The following BLNK variants were observed in gnomAD, a reference collection of about 807,000 sequenced individuals.
The protein encoded by BLNK is B-cell linker protein.
A neutral mutation model predicts 73.5 loss-of-function variants in BLNK; 29 were observed. The observed-to-expected ratio is 0.39, with a 90% CI of 0.29 to 0.54. The LOEUF is 0.54. Among genes scored for constraint, BLNK ranks in the 20% least tolerant of loss-of-function variants. The probability of loss-of-function intolerance (pLI) is 0.61; values close to 1 mark genes in which losing one functional copy is unlikely to be tolerated. For missense variants in BLNK, 460 were observed against 562.8 expected, an observed-to-expected ratio of 0.82 and a Z score of 1.85; for synonymous variants, 176 against 200.8, an observed-to-expected ratio of 0.88 and a Z score of 1.04.
intron 1 of BLNK, among the ~76,000 whole-genome samples, chr10:96,259,059 G>A (rs1026854207): frequency 2.0e-5 from 3 of 152,158 alleles, no homozygotes; most frequent in African/African-American, 4.8e-5. Flanking sequence ...GTCTGATTCC[G>A]GAGCCTATGC....
At chr10:96,194,768 A>ATTTT (rs71034364) in intron 16 of BLNK, among the ~76,000 whole-genome samples, 1,215 of 110,226 alleles carry the variant, frequency 0.011, 74 homozygotes, top group East Asian at 0.032. Context: ...AGAAATGCAA[A>ATTTT]TTTTTTTTTT....
rs1554907768 is a variant in BLNK at position 96,246,971 on chromosome 10, G to A, written c.113+13C>T. 4 of 1,563,704 alleles carry A rather than the reference G, an allele frequency of 2.6e-6. No individual in the cohort carries two copies. The highest frequency in any genetic ancestry group is 2.2e-5 in the East Asian group (1 of 44,486). ...TTTTATATAATTAAGTATTTAAATA[G>A]AGGCGAACTTACTTTTTGATTTTAT... is the stretch of plus-strand genomic sequence containing the variant. On this transcript the variant is annotated intron_variant, in intron 2 of 16. Coordinates refer to ENST00000224337, the MANE Select transcript of BLNK (RefSeq NM_013314.4).
chr10:96,255,545 CAG>C (rs1245831724), intron 1 of BLNK, among the ~76,000 whole-genome samples: 2 of 151,436 alleles, frequency 1.3e-5, no homozygotes, highest in Non-Finnish European at 2.9e-5. Flanking sequence ...TATTGCTAAT[CAG>C]AGAAAATCCC....
At chr10:96,264,695 T>A (rs1421137663) in intron 1 of BLNK, among the ~76,000 whole-genome samples, 4 of 152,072 alleles carry the variant, frequency 2.6e-5, no homozygotes, top group African/African-American at 7.2e-5. Context: ...AAAAAATATA[T>A]ACACACTGGC....
chr10:96,260,964 C>G (rs1281271150), intron 1 of BLNK, among the ~76,000 whole-genome samples: 1 of 152,080 alleles, frequency 6.6e-6, no homozygotes, highest in Non-Finnish European at 1.5e-5. Flanking sequence ...CCACCTCAGC[C>G]TCCTGAGTAG....
chr10:96,221,248 TC>T (rs1425382425), intron 6 of BLNK, among the ~76,000 whole-genome samples: 1 of 152,220 alleles, frequency 6.6e-6, no homozygotes, highest in Non-Finnish European at 1.5e-5. Flanking sequence ...CACAACATTC[TC>T]CAAGTGTTAG....
intron 6 of BLNK, among the ~76,000 whole-genome samples, chr10:96,222,556 G>A (rs587603510): frequency 1.9e-3 from 286 of 152,302 alleles, no homozygotes; most frequent in Non-Finnish European, 3.2e-3. Flanking sequence ...CTGAGACAGG[G>A]AAGATTGAGG....
In BLNK at chr10:96,191,916, A is replaced by C; in HGVS notation, c.*57T>G. Reference sequence around the variant, plus strand: ...ATGAAGTTTTGGGACTTTTTCTCAAAAGGAGAAACTTTGGGAAAGTGTCTG... The same window carrying C: ...ATGAAGTTTTGGGACTTTTTCTCAACAGGAGAAACTTTGGGAAAGTGTCTG... On this transcript the variant is annotated 3_prime_UTR_variant, in exon 17 of 17. Transcript: ENST00000224337. 1 of 1,608,696 alleles carries C rather than the reference A, an allele frequency of 6.2e-7. No individual in the cohort carries two copies. The highest frequency in any genetic ancestry group is 8.5e-7 in the Non-Finnish European group (1 of 1,176,706).
chr10:96,255,348 T>C (rs1032514387), intron 1 of BLNK, among the ~76,000 whole-genome samples: 3 of 152,246 alleles, frequency 2.0e-5, no homozygotes, highest in Non-Finnish European at 4.4e-5. Context: ...TTTTATTAAA[T>C]ACAGGAGATG....
chr10:96,202,424 G>C (rs1386177046), intron 13 of BLNK, among the ~76,000 whole-genome samples: 1 of 152,176 alleles, frequency 6.6e-6, no homozygotes, highest in Non-Finnish European at 1.5e-5. Flanking sequence ...TATTTTGAAG[G>C]AATAGCTGGA....
rs115912574 is a variant in BLNK, at chr10:96,216,130, T to C, written c.607+523A>G. On this transcript the variant is annotated intron_variant, in intron 7 of 16. Transcript: ENST00000224337. ...TACCCTGTTTCCATGCCTAATCTTA[T>C]GTAGCACTGGCTTTTTAAGGTAATT... The C allele has an allele frequency of 3.3e-3, 593 of 180,502 alleles. 4 individuals are homozygous for C. The highest frequency in any genetic ancestry group is 0.013 in the African/African-American group (545 of 42,330). The allele number at this position is 180,502 out of a possible 1,614,324, so 11.2% of individuals were successfully genotyped here. A position where few individuals can be genotyped will look rare whatever the true frequency, so the allele number is the denominator to read the frequency against.
intron 4 of BLNK, among the ~76,000 whole-genome samples, 200 bp downstream of exon 4, chr10:96,230,594 G>T (rs1448694858): frequency 6.6e-6 from 1 of 152,212 alleles, no homozygotes; most frequent in African/African-American, 2.4e-5. Flanking sequence ...GAGGTTATGT[G>T]TGGAAAGCTC....
At chr10:96,244,617 T>C (rs1485363219) in intron 2 of BLNK, among the ~76,000 whole-genome samples, 1 of 152,208 alleles carries the variant, frequency 6.6e-6, no homozygotes, top group African/African-American at 2.4e-5. Context: ...ACCTGTGGCC[T>C]GGCTTCAAGT....
chr10:96,197,795 A>T (rs892556838), intron 15 of BLNK, among the ~76,000 whole-genome samples: 2 of 152,098 alleles, frequency 1.3e-5, no homozygotes, highest in Admixed American at 1.3e-4. Context: ...GGGCACCTGT[A>T]GTCCCAGCTA....
intron 8 of BLNK, among the ~76,000 whole-genome samples, chr10:96,210,915 C>CTGGA (rs2083933742): frequency 7.1e-6 from 1 of 141,450 alleles, no homozygotes; most frequent in Admixed American, 7.4e-5. Flanking sequence ...GTCACCCAGG[C>CTGGA]TGGAGTGCAG....
In BLNK at chr10:96,200,656, C is replaced by T. The variant is rs754847718; in HGVS notation, c.1011+326G>A. On this transcript the variant is annotated intron_variant, in intron 14 of 16. Transcript: ENST00000224337. The surrounding 1 kb of genome is among the most constrained non-coding windows in gnomAD (Gnocchi z 4.3). ...TCTGTCCCTTTATAAACTGTGCTGT[C>T]TTATATGTGATTTAATATCATCAGC... Among the ~76,000 whole-genome samples the T allele has an allele frequency of 2.2e-4, 34 of 152,134 alleles. No individual in the cohort carries two copies. Among genetic ancestry groups the T allele is most frequent in the Admixed American group, 4.6e-4 (7 of 15,286 alleles).
At chr10:96,208,029 G>A in intron 9 of BLNK, 130 bp from the exon 10 acceptor site, 2 of 983,550 alleles carry the variant, frequency 2.0e-6, no homozygotes, top group Non-Finnish European at 3.2e-6. Context: ...GACTATCCTT[G>A]CAGGGTGGAG....
At chr10:96,223,588 T>TA (rs1282757111) in intron 6 of BLNK, among the ~76,000 whole-genome samples, 1 of 152,190 alleles carries the variant, frequency 6.6e-6, no homozygotes. Context: ...AAGGAGGGGA[T>TA]AATATGAGGG....
chr10:96,210,984 C>T (rs782210683), intron 8 of BLNK, among the ~76,000 whole-genome samples: 3 of 151,190 alleles, frequency 2.0e-5, no homozygotes, highest in African/African-American at 4.9e-5. Context: ...ATCCTCCCCA[C>T]TAAGTAGCTC....
Sources: gnomAD v4.1 joint callset for allele counts (sites outside exome capture counted in the v4.1 genomes callset) on GRCh38, gnomAD v4.1.1 for gene constraint, Gnocchi (gnomAD v3.1) non-coding constraint, MANE v1.5 for transcripts, NCBI Gene and HGNC (gene_info 2026-07-23, HGNC 2026-07-21) for gene names.